The following ELF1 variants were observed in gnomAD, a reference collection of about 807,000 sequenced individuals.
ELF1 encodes the protein E74 like ETS transcription factor 1.
ELF1 carries 24 observed loss-of-function variants against 59.9 expected under a neutral mutation model. The observed-to-expected ratio is 0.40, with a 90% CI of 0.29 to 0.56. The LOEUF (loss-of-function observed/expected upper bound fraction) is 0.56. Among genes scored for constraint, ELF1 ranks in the 20% least tolerant of loss-of-function variants. The pLI is 0.44. For missense variants in ELF1, 627 were observed against 742.2 expected, an observed-to-expected ratio of 0.84 and a Z score of 1.80; for synonymous variants, 248 against 266.2, an observed-to-expected ratio of 0.93 and a Z score of 0.67.
chr13:40,935,880 G>A (rs1869735994), intron 8 of ELF1, among the ~76,000 whole-genome samples: 1 of 151,934 alleles, frequency 6.6e-6, no homozygotes, highest in South Asian at 2.1e-4. Flanking sequence ...TCACCACGTT[G>A]GCCAGGCTGT....
intron 3 of ELF1, among the ~76,000 whole-genome samples, chr13:40,956,679 C>CT (rs796729160): frequency 1.5e-3 from 214 of 141,040 alleles, no homozygotes; most frequent in East Asian, 9.3e-3. Context: ...GTCTCTATTA[C>CT]TTTTTTTTTT....
intron 1 of ELF1, among the ~76,000 whole-genome samples, chr13:41,044,594 T>C (rs1876762594): frequency 1.3e-5 from 2 of 152,162 alleles, no homozygotes; most frequent in African/African-American, 4.8e-5. Context: ...ATGGATTACG[T>C]TTATTGATTT....
At chr13:41,015,899 T>C (rs550863800) in intron 1 of ELF1, among the ~76,000 whole-genome samples, 43 of 151,954 alleles carry the variant, frequency 2.8e-4, no homozygotes, top group African/African-American at 9.9e-4. Flanking sequence ...TGCTTGGTAC[T>C]TTGTCAAAGG....
At chr13:41,006,603 A>C (rs528139087) in intron 1 of ELF1, among the ~76,000 whole-genome samples, 2 of 152,326 alleles carry the variant, frequency 1.3e-5, no homozygotes, top group Non-Finnish European at 2.9e-5. Flanking sequence ...TATTCTTAAG[A>C]CTAACAGGTT....
chr13:41,019,748 T>C (rs1875615818), upstream of ELF1, among the ~76,000 whole-genome samples: 1 of 152,104 alleles, frequency 6.6e-6, no homozygotes, highest in Non-Finnish European at 1.5e-5. Flanking sequence ...TGGCTACTCA[T>C]TAACCCTCAT....
intron 1 of ELF1, among the ~76,000 whole-genome samples, chr13:41,055,979 T>C (rs1194210213): frequency 6.6e-6 from 1 of 152,194 alleles, no homozygotes; most frequent in African/African-American, 2.4e-5. Context: ...ATATGCTTTT[T>C]ATTGCTTCAA....
chr13:41,018,814 C>T (rs1666905039), intron 1 of ELF1, among the ~76,000 whole-genome samples: 1 of 152,040 alleles, frequency 6.6e-6, no homozygotes, highest in South Asian at 2.1e-4. Context: ...AGCCACTGCC[C>T]CTGGATATTT....
intron 1 of ELF1, among the ~76,000 whole-genome samples, chr13:40,987,310 C>T (rs1356625270): frequency 3.4e-5 from 5 of 148,474 alleles, no homozygotes; most frequent in East Asian, 2.1e-4. Context: ...AGTCCGGTGC[C>T]GTGGCTCACG....
chr13:41,034,807 A>C (rs1461755748), intron 1 of ELF1, among the ~76,000 whole-genome samples: 3 of 151,480 alleles, frequency 2.0e-5, no homozygotes, highest in African/African-American at 4.9e-5. Context: ...AAAAAAAAAA[A>C]AACCTTCACT....
intron 8 of ELF1, among the ~76,000 whole-genome samples, chr13:40,935,483 A>G (rs1869701350): frequency 6.6e-6 from 1 of 152,178 alleles, no homozygotes; most frequent in South Asian, 2.1e-4. Context: ...TGAAACAAAG[A>G]CCCAGAGCAA....
At chr13:41,041,665 A>C (rs1398806363) in intron 1 of ELF1, among the ~76,000 whole-genome samples, 2 of 151,904 alleles carry the variant, frequency 1.3e-5, no homozygotes, top group Non-Finnish European at 2.9e-5. Context: ...ACAGAGTGAG[A>C]CCCTTTTTCC....
chr13:41,025,957 T>C (rs1412136294), intron 1 of ELF1, among the ~76,000 whole-genome samples: 2 of 152,180 alleles, frequency 1.3e-5, no homozygotes, highest in Non-Finnish European at 2.9e-5. Flanking sequence ...GCAGTTTCCT[T>C]TCAAATGGCA....
At chr13:40,976,974 T>C (rs964936781) in intron 2 of ELF1, among the ~76,000 whole-genome samples, 1 of 152,134 alleles carries the variant, frequency 6.6e-6, no homozygotes, top group African/African-American at 2.4e-5. Flanking sequence ...CACATGTTCA[T>C]TTTTTCCATG....
At chr13:41,005,710 T>C (rs1050032317) in intron 1 of ELF1, among the ~76,000 whole-genome samples, 2 of 152,188 alleles carry the variant, frequency 1.3e-5, no homozygotes, top group Non-Finnish European at 2.9e-5. Flanking sequence ...TAGAACTCTG[T>C]TCTCCATAGG....
intron 8 of ELF1, among the ~76,000 whole-genome samples, chr13:40,937,843 C>T (rs1319001466): frequency 6.6e-6 from 1 of 152,042 alleles, no homozygotes; most frequent in Non-Finnish European, 1.5e-5. Flanking sequence ...GAGACGGGGT[C>T]TCACTCTGTA....
intron 1 of ELF1, among the ~76,000 whole-genome samples, chr13:40,990,850 C>CAA (rs56249931): frequency 0.4 from 41,931 of 105,120 alleles, 9,298 homozygotes; most frequent in East Asian, 0.53. Context: ...GACTCTGTCT[C>CAA]AAAAAAAAAA....
In ELF1 at chr13:40,932,247, CATT is replaced by C. The variant is rs1326953342; in HGVS notation, c.*1175_*1177del. ...TTTTTTTCTTGTGACATTAAATGTA[CATT>C]ATTTACAGTTGAAAAAGTAATCTAA... On this transcript the variant is annotated 3_prime_UTR_variant, in exon 9 of 9. Transcript: ENST00000239882. 1 of 151,916 alleles carries C rather than the reference CATT, an allele frequency of 6.6e-6. No individual in the cohort carries two copies. The highest frequency in any genetic ancestry group is 1.9e-4 in the East Asian group (1 of 5,200). 9.4% of individuals were successfully genotyped at this position (151,916 alleles called of 1,614,324 possible). A position where few individuals can be genotyped will look rare whatever the true frequency, so the allele number is the denominator to read the frequency against.
intron 8 of ELF1, among the ~76,000 whole-genome samples, chr13:40,936,037 C>T (rs1869746382): frequency 6.6e-6 from 1 of 152,142 alleles, no homozygotes; most frequent in African/African-American, 2.4e-5. Context: ...ATATAGTTAG[C>T]ACACAGATTA....
chr13:41,054,743 G>C (rs189690039), intron 1 of ELF1, among the ~76,000 whole-genome samples: 1 of 152,282 alleles, frequency 6.6e-6, no homozygotes, highest in African/African-American at 2.4e-5. Context: ...CTTGACCTTT[G>C]TCAAGGCCTA....
Sources: gnomAD v4.1 joint callset for allele counts (sites outside exome capture counted in the v4.1 genomes callset) on GRCh38, gnomAD v4.1.1 for gene constraint, MANE v1.5 for transcripts, NCBI Gene and HGNC (gene_info 2026-07-23, HGNC 2026-07-21) for gene names.